The following SH2D4B variants were observed in gnomAD, a reference collection of about 807,000 sequenced individuals.
SH2D4B encodes the protein SH2 domain containing 4B.
In SH2D4B, 45 loss-of-function variants were observed where a neutral mutation model predicts 61.5. The ratio of observed to expected loss-of-function variants is 0.73; its 90% confidence interval spans 0.58 to 0.94. SH2D4B has a LOEUF of 0.94. SH2D4B is among the 40% of genes least tolerant of loss of function. The pLI is 0.00. For synonymous variants in SH2D4B, 224 were observed against 220.4 expected, an observed-to-expected ratio of 1.02 and a Z score of -0.14; for missense variants, 572 against 574.2, an observed-to-expected ratio of 1.00 and a Z score of 0.04.
At chr10:80,628,798 C>T (rs370896794) in intron 6 of SH2D4B, among the ~76,000 whole-genome samples, 7 of 152,076 alleles carry the variant, frequency 4.6e-5, no homozygotes, top group South Asian at 2.1e-4. Context: ...GAAGCTGAGG[C>T]GGGTGGATCA....
intron 1 of SH2D4B, among the ~76,000 whole-genome samples, chr10:80,566,290 T>A (rs959075022): frequency 6.7e-6 from 1 of 148,704 alleles, no homozygotes; most frequent in Admixed American, 6.8e-5. Context: ...TGGGATTAGA[T>A]CAATTTCTTT....
chr10:80,578,449 C>T (rs528633572), intron 3 of SH2D4B, among the ~76,000 whole-genome samples: 2 of 151,940 alleles, frequency 1.3e-5, no homozygotes, highest in African/African-American at 2.4e-5. Context: ...CATGAGCAAC[C>T]CTTAGTGCCA....
chr10:80,643,063 A>G (rs551633524), intron 7 of SH2D4B: 1 of 152,634 alleles, frequency 6.6e-6, no homozygotes, highest in Non-Finnish European at 1.5e-5. Flanking sequence ...TCTGTGAATC[A>G]TCCTTTCGTA....
chr10:80,609,609 G>C, intron 6 of SH2D4B, 58 bp downstream of exon 6: 1 of 1,611,154 alleles, frequency 6.2e-7, no homozygotes, highest in Non-Finnish European at 8.5e-7. Context: ...GCCTCTCTCT[G>C]GGGTTGGGGA....
intron 6 of SH2D4B, among the ~76,000 whole-genome samples, chr10:80,632,464 C>T (rs80189312): frequency 0.065 from 9,913 of 152,126 alleles, 390 homozygotes; most frequent in African/African-American, 0.087. Context: ...AAAGTTGAAT[C>T]GTATATAATT....
Position 80,538,565 on chromosome 10 carries a change from T to C in SH2D4B, c.184+50T>C. 1 of 1,305,032 alleles carries C rather than the reference T, an allele frequency of 7.7e-7. No individual in the cohort carries two copies. The highest frequency in any genetic ancestry group is 2.4e-5 in the South Asian group (1 of 42,362). 80.8% of individuals were successfully genotyped at this position (1,305,032 alleles called of 1,614,324 possible). A position where few individuals can be genotyped will look rare whatever the true frequency, so the allele number is the denominator to read the frequency against. On this transcript the variant is annotated intron_variant, in intron 1 of 7. Coordinates refer to ENST00000646907, the MANE Select transcript of SH2D4B (RefSeq NM_001388272.1). This position sits in a 1 kb window ranked among gnomAD's most constrained non-coding sequence, Gnocchi z 4.8. ...GGTAGGCCACCAGTCCCCCAGGAGG[T>C]AGAAAAATTAGCAGGGCCAGGCTGT... is the stretch of plus-strand genomic sequence containing the variant.
At chr10:80,619,428 T>C (rs1315379614) in intron 6 of SH2D4B, among the ~76,000 whole-genome samples, 2 of 152,222 alleles carry the variant, frequency 1.3e-5, no homozygotes, top group Admixed American at 1.3e-4. Context: ...CTATGGTCAG[T>C]ATGGCAGCCT....
chr10:80,612,994 A>G (rs913726461), intron 6 of SH2D4B, among the ~76,000 whole-genome samples: 45 of 152,232 alleles, frequency 3.0e-4, no homozygotes, highest in Admixed American at 2.7e-3. Context: ...AGATTGAGCC[A>G]ACAGGAGTGC....
chr10:80,559,213 TTTATC>T (rs1841874294), intron 1 of SH2D4B, among the ~76,000 whole-genome samples: 1 of 152,184 alleles, frequency 6.6e-6, no homozygotes, highest in African/African-American at 2.4e-5. Context: ...CCTACTCTCT[TTTATC>T]TTATTTTATT....
chr10:80,603,778 C>T lies in SH2D4B; in HGVS notation c.843C>T (p.Pro281=), dbSNP rs756105708. 2.3e-5 allele frequency: 37 copies of T among 1,609,526 alleles called. No individual in the cohort carries two copies. The Admixed American group carries it at 4.8e-4, about 21-fold the overall frequency. Residue 281 remains proline, a synonymous_variant, in exon 5 of 8, where the codon CCC becomes CCT. Transcript: ENST00000646907. ...HHLPDPGLPQ[P]LALPVSRTWE... ...TCCCCGACCCGGGTCTGCCGCAGCC[C>T]CTTGCCCTGCCGGTCAGGTGGGTCC...
At position 80,587,157 on chromosome 10, in the gene SH2D4B, T is replaced by G. The variant is rs1024145991; in HGVS notation, c.496-1473T>G. On this transcript the variant is annotated intron_variant, in intron 3 of 7. Transcript: ENST00000646907. The stretch of plus-strand genomic sequence containing the variant: ...TTTTTTTTTTTTTTGTTTTGTTTTT[T>G]TTTTTTTTTTTGGAGACGCCCAGGC... Among the ~76,000 whole-genome samples the G allele has an allele frequency of 1.0e-4, 12 of 119,836 alleles. No homozygotes were observed. The East Asian group carries it at 1.2e-3, about 12-fold the overall frequency. The allele number at this position is 119,836 out of a possible 152,430, so 78.6% of individuals were successfully genotyped here.
intron 6 of SH2D4B, among the ~76,000 whole-genome samples, chr10:80,628,978 C>T (rs1047923128): frequency 2.0e-5 from 3 of 148,662 alleles, no homozygotes; most frequent in African/African-American, 5.1e-5. Flanking sequence ...TGCAGTGAGC[C>T]GAGATCGTGT....
chr10:80,599,182 C>T (rs1439265273), intron 4 of SH2D4B, among the ~76,000 whole-genome samples: 1 of 152,028 alleles, frequency 6.6e-6, no homozygotes, highest in Non-Finnish European at 1.5e-5. Context: ...ATGCTGTAGG[C>T]TTGAGACAGG....
chr10:80,609,661 T>G, intron 6 of SH2D4B, 110 bp downstream of exon 6: 2 of 1,520,880 alleles, frequency 1.3e-6, no homozygotes, highest in Middle Eastern at 1.8e-4. Context: ...CAGAGGACTT[T>G]AAGCAATCTC....
chr10:80,588,847 T>G (rs1228931882), intron 4 of SH2D4B, 70 bp downstream of exon 4: 5 of 1,576,362 alleles, frequency 3.2e-6, no homozygotes, highest in African/African-American at 1.3e-5. Flanking sequence ...CCAATGCTGA[T>G]GTACTCATTC....
intron 7 of SH2D4B, among the ~76,000 whole-genome samples, chr10:80,638,886 T>C (rs1840238488): frequency 6.6e-6 from 1 of 152,178 alleles, no homozygotes; most frequent in South Asian, 2.1e-4. Flanking sequence ...GTTAGGGTGT[T>C]GATTTAGATC....
chr10:80,558,101 C>A lies in SH2D4B; in HGVS notation c.185-12053C>A, dbSNP rs529557090. Reference sequence around the variant, plus strand: ...TTTTTTTTTTAAAATTCATGGGCTACTTAGAATTGTGTTCTTTAGTTTCTG... The same window carrying A: ...TTTTTTTTTTAAAATTCATGGGCTAATTAGAATTGTGTTCTTTAGTTTCTG... On this transcript the variant is annotated intron_variant, in intron 1 of 7. Transcript: ENST00000646907. Among the ~76,000 whole-genome samples the A allele has an allele frequency of 3.9e-5, 6 of 151,930 alleles. No individual in the cohort carries two copies. The East Asian group carries it at 1.2e-3, about 29-fold the overall frequency.
intron 3 of SH2D4B, among the ~76,000 whole-genome samples, chr10:80,587,522 G>A (rs897390334): frequency 6.6e-6 from 1 of 151,962 alleles, no homozygotes; most frequent in Non-Finnish European, 1.5e-5. Flanking sequence ...CAGGTGATCC[G>A]CCTGCCTTGG....
At chr10:80,611,786 C>CTT (rs79594293) in intron 6 of SH2D4B, among the ~76,000 whole-genome samples, 5 of 144,466 alleles carry the variant, frequency 3.5e-5, no homozygotes, top group African/African-American at 1.3e-4. Context: ...TCTTTTTTGA[C>CTT]TTTTTTTTTT....
Sources: allele counts gnomAD v4.1 joint callset (sites outside exome capture counted in the v4.1 genomes callset), GRCh38; gene constraint gnomAD v4.1.1; non-coding constraint Gnocchi (gnomAD v3.1); transcripts MANE v1.5; gene names NCBI Gene and HGNC (gene_info 2026-07-23, HGNC 2026-07-21).